SLIT3: variants seen among roughly 807,000 people sequenced by gnomAD.
The protein encoded by SLIT3 is slit homolog 3 protein.
SLIT3 carries 68 observed loss-of-function variants against 184.0 expected under a neutral mutation model. That is an observed-to-expected ratio of 0.37 (90% CI 0.30 to 0.45). The LOEUF (loss-of-function observed/expected upper bound fraction) is 0.45. SLIT3 is among the 20% of genes least tolerant of loss of function. The pLI is 1.00. For missense variants in SLIT3, 1,707 were observed against 2,026.0 expected, an observed-to-expected ratio of 0.84 and a Z score of 3.02; for synonymous variants, 831 against 828.6, an observed-to-expected ratio of 1.00 and a Z score of -0.05.
intron 3 of SLIT3, among the ~76,000 whole-genome samples, chr5:169,211,341 G>A (rs149430927): frequency 6.6e-6 from 1 of 152,332 alleles, no homozygotes; most frequent in East Asian, 1.9e-4. Context: ...TCCATGAGCA[G>A]CTAGAGTGAA....
chr5:168,770,812 G>A (rs1755523704), intron 14 of SLIT3, among the ~76,000 whole-genome samples: 1 of 152,102 alleles, frequency 6.6e-6, no homozygotes, highest in Non-Finnish European at 1.5e-5. Flanking sequence ...CAGAGCTAGA[G>A]TTAGAACTAA....
chr5:169,114,149 A>G (rs1332259062), intron 4 of SLIT3, among the ~76,000 whole-genome samples: 1 of 152,166 alleles, frequency 6.6e-6, no homozygotes, highest in Non-Finnish European at 1.5e-5. Flanking sequence ...TGCAGTCTAG[A>G]GAGTGGAGTG....
chr5:169,231,513 A>G (rs978322838), intron 3 of SLIT3, among the ~76,000 whole-genome samples: 3 of 152,190 alleles, frequency 2.0e-5, no homozygotes, highest in African/African-American at 7.2e-5. Flanking sequence ...GAGATTTACC[A>G]TGTGGTTACA....
At chr5:169,293,643 C>G (rs1214691510) in intron 1 of SLIT3, among the ~76,000 whole-genome samples, 1 of 152,138 alleles carries the variant, frequency 6.6e-6, no homozygotes, top group Non-Finnish European at 1.5e-5. Flanking sequence ...AAAACTGAGG[C>G]CCATCCAGCT....
chr5:168,854,410 C>CAGTT (rs60262224), intron 5 of SLIT3, among the ~76,000 whole-genome samples: 77,468 of 150,750 alleles, frequency 0.51, 20,966 homozygotes, highest in African/African-American at 0.69. Flanking sequence ...CCTTGTCTCT[C>CAGTT]AGATTCCTTG....
chr5:169,244,082 A>C (rs916831005), intron 3 of SLIT3, among the ~76,000 whole-genome samples: 1 of 152,218 alleles, frequency 6.6e-6, no homozygotes, highest in African/African-American at 2.4e-5. Flanking sequence ...ACCATCTTCC[A>C]TTCCCATCCC....
chr5:169,003,767 G>T (rs1331436708), intron 4 of SLIT3, among the ~76,000 whole-genome samples: 1 of 152,134 alleles, frequency 6.6e-6, no homozygotes, highest in Non-Finnish European at 1.5e-5. Context: ...GATATAACAA[G>T]AATAAATATG....
chr5:168,724,561 G>GAAA, intron 20 of SLIT3, 77 bp from the exon 21 acceptor site: 1 of 1,254,960 alleles, frequency 8.0e-7, no homozygotes, highest in Non-Finnish European at 1.1e-6. Flanking sequence ...AAGCCTCCCT[G>GAAA]ACTTTCCAGG....
chr5:169,224,810 C>T (rs1273995485), intron 3 of SLIT3, among the ~76,000 whole-genome samples: 2 of 152,128 alleles, frequency 1.3e-5, no homozygotes, highest in African/African-American at 4.8e-5. Flanking sequence ...CTTCATCCTC[C>T]CGATAAGCTG....
At chr5:169,104,502 C>G (rs1238713125) in intron 4 of SLIT3, among the ~76,000 whole-genome samples, 1 of 152,166 alleles carries the variant, frequency 6.6e-6, no homozygotes, top group African/African-American at 2.4e-5. Context: ...CACAGGGGTC[C>G]TATTTAATCT....
chr5:169,025,884 C>G (rs758572274), intron 4 of SLIT3, among the ~76,000 whole-genome samples: 6 of 152,186 alleles, frequency 3.9e-5, no homozygotes, highest in Non-Finnish European at 8.8e-5. Flanking sequence ...CCAGCCTGAA[C>G]TCTCCCCTAG....
intron 3 of SLIT3, among the ~76,000 whole-genome samples, chr5:169,208,447 T>C (rs1248293318): frequency 6.6e-6 from 1 of 152,108 alleles, no homozygotes; most frequent in Non-Finnish European, 1.5e-5. Context: ...AAATTTCATA[T>C]GGAACGCAAA....
At chr5:168,774,664 G>T (rs1755681613) in intron 12 of SLIT3, among the ~76,000 whole-genome samples, 2 of 152,152 alleles carry the variant, frequency 1.3e-5, no homozygotes, top group Non-Finnish European at 2.9e-5. Context: ...ACCTGAAAAG[G>T]CACCCTAAGT....
chr5:169,104,188 T>A (rs1760117740), intron 4 of SLIT3, among the ~76,000 whole-genome samples: 1 of 152,164 alleles, frequency 6.6e-6, no homozygotes, highest in Non-Finnish European at 1.5e-5. Context: ...GATCTGAAGG[T>A]GGGTCCCTTG....
At chr5:168,940,165 AT>A (rs1762286727) in intron 4 of SLIT3, among the ~76,000 whole-genome samples, 1 of 152,236 alleles carries the variant, frequency 6.6e-6, no homozygotes, top group African/African-American at 2.4e-5. Flanking sequence ...GGTAAGTGCC[AT>A]TAGCTGGTTT....
At chr5:168,768,127 C>T (rs762257935) in intron 14 of SLIT3, 11 of 488,880 alleles carry the variant, frequency 2.3e-5, no homozygotes, top group African/African-American at 9.7e-5. Flanking sequence ...GCGGTGGTGG[C>T]GGCGGTGGCG....
chr5:169,196,172 AG>A (rs778361324), intron 3 of SLIT3, among the ~76,000 whole-genome samples: 3 of 126,500 alleles, frequency 2.4e-5, no homozygotes, highest in African/African-American at 8.7e-5. Flanking sequence ...AAAAAAAAAA[AG>A]AGGGGGACTC....
At chr5:169,212,921 C>T (rs60005392) in intron 3 of SLIT3, among the ~76,000 whole-genome samples, 46,513 of 151,970 alleles carry the variant, frequency 0.31, 8,113 homozygotes, top group East Asian at 0.69. Context: ...CATTGCTTGT[C>T]TTTGTTAGGT....
intron 4 of SLIT3, among the ~76,000 whole-genome samples, chr5:168,988,661 A>T (rs1755214972): frequency 6.6e-6 from 1 of 152,212 alleles, no homozygotes; most frequent in South Asian, 2.1e-4. Flanking sequence ...TAGGGATGCA[A>T]TTAACATGCA....
Sources: allele counts gnomAD v4.1 joint callset (sites outside exome capture counted in the v4.1 genomes callset), GRCh38; gene constraint gnomAD v4.1.1; transcripts MANE v1.5; gene names NCBI Gene and HGNC (gene_info 2026-07-23, HGNC 2026-07-21).